The following CTDP1 variants were observed in gnomAD, a reference collection of about 807,000 sequenced individuals.
The protein encoded by CTDP1 is RNA polymerase II subunit A C-terminal domain phosphatase.
A neutral mutation model predicts 91.8 loss-of-function variants in CTDP1; 47 were observed. That is an observed-to-expected ratio of 0.51 (90% CI 0.41 to 0.65). CTDP1 has a LOEUF of 0.65. Among genes scored for constraint, CTDP1 ranks in the 30% least tolerant of loss-of-function variants. The pLI, the probability that CTDP1 is intolerant of heterozygous loss-of-function variation, is 0.00. For missense variants in CTDP1, 1,272 were observed against 1,373.7 expected, an observed-to-expected ratio of 0.93 and a Z score of 1.17; for synonymous variants, 656 against 598.5, an observed-to-expected ratio of 1.10 and a Z score of -1.40.
At chr18:79,751,297 GCA>G (rs1196322700) in intron 12 of CTDP1, among the ~76,000 whole-genome samples, 4 of 143,948 alleles carry the variant, frequency 2.8e-5, no homozygotes, top group Non-Finnish European at 6.1e-5. Context: ...GAGGGGCTGG[GCA>G]CACAGAGGGC....
intron 1 of CTDP1, among the ~76,000 whole-genome samples, chr18:79,694,596 G>A (rs1476904036): frequency 6.9e-6 from 1 of 143,902 alleles, no homozygotes; most frequent in Non-Finnish European, 1.5e-5. Flanking sequence ...TGTTCGCAGG[G>A]TGGGGCGGTC....
At chr18:79,748,673 G>A (rs770393606) in intron 12 of CTDP1, among the ~76,000 whole-genome samples, 1 of 152,216 alleles carries the variant, frequency 6.6e-6, no homozygotes, top group Non-Finnish European at 1.5e-5. Context: ...CCCCAGCTGT[G>A]GATCCACAAG....
intron 10 of CTDP1, among the ~76,000 whole-genome samples, chr18:79,719,144 G>A (rs1301153595): frequency 3.9e-5 from 6 of 152,228 alleles, no homozygotes; most frequent in Non-Finnish European, 7.3e-5. Flanking sequence ...GGGAGAGGCC[G>A]CTCCCTCTGG....
chr18:79,730,271 G>T (rs1240318369), intron 11 of CTDP1, among the ~76,000 whole-genome samples: 1 of 152,180 alleles, frequency 6.6e-6, no homozygotes, highest in Non-Finnish European at 1.5e-5. Flanking sequence ...TAAGATTCCA[G>T]AAGGTTCTGT....
rs376904820 is a variant in CTDP1, at chr18:79,753,778, C to T, written c.2874C>T (p.Asn958=). Residue 958 remains asparagine (N), a synonymous_variant, in exon 13 of 13, where the codon AAC becomes AAT. Coordinates refer to ENST00000613122, the MANE Select transcript of CTDP1 (RefSeq NM_004715.5). Reference sequence around the variant, plus strand: ...CCAAGGCGCTGGAGGCGGAGCTCAACGACCTCATGTGAGCGCGGGCAGCGG... The same window carrying T: ...CCAAGGCGCTGGAGGCGGAGCTCAATGACCTCATGTGAGCGCGGGCAGCGG... ...EMAKALEAEL[N]DLM is the part of the protein sequence containing the mutation. The T allele has an allele frequency of 2.9e-5, 47 of 1,613,400 alleles. No individual in the cohort carries two copies. The highest frequency in any genetic ancestry group is 2.8e-4 in the Admixed American group (17 of 59,988).
chr18:79,744,280 C>T lies in CTDP1; in HGVS notation c.2747+7759C>T, dbSNP rs749108111. 2.6e-5 allele frequency among the ~76,000 whole-genome samples: 4 copies of T among 152,210 alleles called. No homozygotes were observed. In the East Asian group the frequency reaches 5.8e-4, roughly 22 times the overall value. On this transcript the variant is annotated intron_variant, in intron 12 of 12. Coordinates refer to ENST00000613122, the MANE Select transcript of CTDP1 (RefSeq NM_004715.5). ...GGCACATGTCAGGCCCTCCTGAGGC[C>T]GTGTCACAGGCAGGTGACCCCAACC...
At chr18:79,696,115 C>T in intron 3 of CTDP1, 45 bp downstream of exon 3, 1 of 1,552,018 alleles carries the variant, frequency 6.4e-7, no homozygotes, top group Non-Finnish European at 8.8e-7. Context: ...GCGTGGTGCT[C>T]TGAGGAGGGC....
chr18:79,714,679 T>C lies in CTDP1; in HGVS notation c.1219T>C (p.Trp407Arg), dbSNP rs149090172. Residue 407 changes from tryptophan to arginine, a missense_variant, in exon 8 of 13, where the codon TGG (tryptophan) becomes CGG (arginine). Coordinates refer to ENST00000613122, the MANE Select transcript of CTDP1 (RefSeq NM_004715.5). ...CGGGAAGCCAGACGAGAGGGACATC[T>C]GGCCCCCTGCCCAGGCCCCCACCAG... Reference protein sequence around the residue: ...RPGKPDERDIWPPAQAPTSSQ... With the variant: ...RPGKPDERDIRPPAQAPTSSQ... 1,525 of 1,611,086 alleles carry C rather than the reference T, an allele frequency of 9.5e-4. 2 individuals are homozygous for C. Among genetic ancestry groups the C allele is most frequent in the Admixed American group, 2.5e-3 (147 of 59,828 alleles).
chr18:79,714,421 T>A (rs2086150645), intron 7 of CTDP1, 70 bp from the exon 8 acceptor site: 1 of 1,564,734 alleles, frequency 6.4e-7, no homozygotes, highest in East Asian at 2.2e-5. Flanking sequence ...AGGGTGCTGC[T>A]TTAACTTGGA....
chr18:79,753,517 G>C, intron 12 of CTDP1, 135 bp from the exon 13 acceptor site: 2 of 1,404,256 alleles, frequency 1.4e-6, no homozygotes, highest in South Asian at 2.4e-5. Context: ...TCGGTGGCCT[G>C]TGTGTGTCCT....
chr18:79,747,968 G>T (rs2086914210), intron 12 of CTDP1, among the ~76,000 whole-genome samples: 1 of 152,194 alleles, frequency 6.6e-6, no homozygotes, highest in South Asian at 2.1e-4. Context: ...AAATATGGGG[G>T]TGGGGTATAC....
intron 1 of CTDP1, among the ~76,000 whole-genome samples, chr18:79,688,745 G>A (rs2085560275): frequency 6.6e-6 from 1 of 152,106 alleles, no homozygotes; most frequent in South Asian, 2.1e-4. Context: ...ATTTCACCAC[G>A]TTGGCCAGGC....
chr18:79,679,927 C>T lies in CTDP1; in HGVS notation c.-21C>T. On this transcript the variant is annotated 5_prime_UTR_variant, in exon 1 of 13. Transcript: ENST00000613122. ...CGCAGCGCAGGCCCCGTACCGACCG[C>T]CCGCCCGCCCTCTGTCCGCGATGGA... 2 of 1,373,386 alleles carry T rather than the reference C, an allele frequency of 1.5e-6. No individual in the cohort carries two copies. Among genetic ancestry groups the T allele is most frequent in the Non-Finnish European group, 1.9e-6 (2 of 1,058,476 alleles). The allele number at this position is 1,373,386 out of a possible 1,614,324, so 85.1% of individuals were successfully genotyped here.
chr18:79,691,126 C>T (rs1277422260), intron 1 of CTDP1, among the ~76,000 whole-genome samples: 3 of 152,190 alleles, frequency 2.0e-5, no homozygotes, highest in East Asian at 1.9e-4. Flanking sequence ...CTTCCTTCCT[C>T]GTGTAGAACT....
intron 10 of CTDP1, among the ~76,000 whole-genome samples, chr18:79,725,981 T>C (rs1599277935): frequency 6.6e-6 from 1 of 152,212 alleles, no homozygotes; most frequent in East Asian, 1.9e-4. Flanking sequence ...TGACGAGGTG[T>C]CCTGGTGTAG....
At chr18:79,740,927 A>G (rs1028021601) in intron 12 of CTDP1, among the ~76,000 whole-genome samples, 1 of 152,202 alleles carries the variant, frequency 6.6e-6, no homozygotes, top group Admixed American at 6.5e-5. Context: ...AGTTCCAGGT[A>G]CCGAAAAGAA....
intron 3 of CTDP1, among the ~76,000 whole-genome samples, chr18:79,696,533 G>A (rs1325641677): frequency 6.6e-6 from 1 of 152,134 alleles, no homozygotes; most frequent in Non-Finnish European, 1.5e-5. Context: ...AGGGGCGGGG[G>A]GACGTGGTTG....
At chr18:79,677,230 G>A (rs1037118085), upstream of CTDP1, 7 of 152,270 alleles carry the variant, frequency 4.6e-5, no homozygotes, top group African/African-American at 9.6e-5. Context: ...CGCAGGCCCC[G>A]ACATCACCCT....
intron 12 of CTDP1, among the ~76,000 whole-genome samples, chr18:79,740,977 G>A (rs571318070): frequency 6.6e-6 from 1 of 152,096 alleles, no homozygotes; most frequent in East Asian, 1.9e-4. Context: ...CACAGGTTGG[G>A]TGAGGTCCCC....
Sources: allele counts gnomAD v4.1 joint callset (sites outside exome capture counted in the v4.1 genomes callset), GRCh38; gene constraint gnomAD v4.1.1; transcripts MANE v1.5; gene names NCBI Gene and HGNC (gene_info 2026-07-23, HGNC 2026-07-21).